BCO2: variants seen among roughly 807,000 people sequenced by gnomAD.
The protein encoded by BCO2 is carotenoid-cleaving dioxygenase, mitochondrial.
Under a neutral mutation model 65.8 loss-of-function variants are expected in BCO2, and 56 were observed. That is an observed-to-expected ratio of 0.85 (90% CI 0.69 to 1.06). The LOEUF is 1.06. BCO2 is among the 50% of genes least tolerant of loss of function. The pLI is 0.00. For synonymous variants in BCO2, 233 were observed against 242.3 expected, an observed-to-expected ratio of 0.96 and a Z score of 0.36; for missense variants, 675 against 698.5, an observed-to-expected ratio of 0.97 and a Z score of 0.38.
chr11:112,215,108 C>T, intron 10 of BCO2, 164 bp downstream of exon 10: 1 of 659,836 alleles, frequency 1.5e-6, no homozygotes, highest in South Asian at 1.9e-5. Flanking sequence ...GGGGTATGTT[C>T]CTTCTAGGGA....
chr11:112,211,602 TC>T (rs2135393748), intron 8 of BCO2, among the ~76,000 whole-genome samples: 1 of 152,330 alleles, frequency 6.6e-6, no homozygotes, highest in Non-Finnish European at 1.5e-5. Flanking sequence ...GAGTTCCAGT[TC>T]TTCACGTTTT....
At chr11:112,209,652 TG>T (rs1566796538) in intron 8 of BCO2, among the ~76,000 whole-genome samples, 1 of 152,204 alleles carries the variant, frequency 6.6e-6, no homozygotes, top group East Asian at 1.9e-4. Context: ...CTTTATCAAC[TG>T]TTTTTTTTCT....
rs537527862 is a variant in BCO2, at chr11:112,201,992, T to A, written c.1027-31T>A. On this transcript the variant is annotated intron_variant, in intron 7 of 11. Coordinates refer to ENST00000357685, the MANE Select transcript of BCO2 (RefSeq NM_031938.7). ...GGAAAAAGAAGAAAACTAAAAAAAA[T>A]TTTTTTCATTGTTTGTGTTTTCCCC... 2.9e-5 allele frequency: 44 copies of A among 1,511,930 alleles called. No homozygotes were observed. The Admixed American group carries it at 4.2e-4, about 14-fold the overall frequency. 93.7% of individuals were successfully genotyped at this position (1,511,930 alleles called of 1,614,324 possible). A position where few individuals can be genotyped will look rare whatever the true frequency, so the allele number is the denominator to read the frequency against.
Position 112,202,008 on chromosome 11 carries a change from T to C in BCO2, c.1027-15T>C. 6.5e-7 allele frequency: 1 copy of C among 1,541,238 alleles called. No homozygotes were observed. On this transcript the variant is annotated splice_polypyrimidine_tract_variant and intron_variant, in intron 7 of 11. Coordinates refer to ENST00000357685, the MANE Select transcript of BCO2 (RefSeq NM_031938.7). ...TAAAAAAAATTTTTTTCATTGTTTG[T>C]GTTTTCCCCTGCAGCTCCTTCCAGG...
At chr11:112,206,633 C>T in intron 8 of BCO2, among the ~76,000 whole-genome samples, 1 of 152,192 alleles carries the variant, frequency 6.6e-6, no homozygotes. Context: ...GAGTATAATT[C>T]CTTATTGGAT....
intron 2 of BCO2, among the ~76,000 whole-genome samples, chr11:112,192,677 C>CTTTTT (rs71463410): frequency 2.4e-5 from 3 of 124,790 alleles, no homozygotes; most frequent in Non-Finnish European, 3.4e-5. Context: ...TTCTTTCTTT[C>CTTTTT]TTTTTTTTTT....
rs1271304391 is a variant in BCO2, at chr11:112,214,853, G to T, written c.1424G>T (p.Gly475Val). Residue 475 changes from glycine to valine, a missense_variant, in exon 10 of 12, where the codon GGC (glycine) becomes GTC (valine). Coordinates refer to ENST00000357685, the MANE Select transcript of BCO2 (RefSeq NM_031938.7). ...FPQIYYDRFS[G>V]KKYHFFYGCG... Reference sequence around the variant, plus strand: ...CAGATCTACTATGATCGATTCAGTGGCAAAAAGTATCATTTCTTTTATGGC... The same window carrying T: ...CAGATCTACTATGATCGATTCAGTGTCAAAAAGTATCATTTCTTTTATGGC... 1 of 1,613,974 alleles carries T rather than the reference G, an allele frequency of 6.2e-7. No homozygotes were observed. Among genetic ancestry groups the T allele is most frequent in the South Asian group, 1.1e-5 (1 of 91,080 alleles).
rs1017741909 is a variant in BCO2, at chr11:112,175,688, A to T, written c.87A>T (p.Pro29=). 3 of 1,612,098 alleles carry T rather than the reference A, an allele frequency of 1.9e-6. No individual in the cohort carries two copies. Among genetic ancestry groups the T allele is most frequent in the East Asian group, 4.5e-5 (2 of 44,866 alleles). ...TTCCTGTGATGGTGCACCGGCTCCC[A>T]GGTAGAGGGTTTGCCCCTTTCTCTT... ...DFLPVMVHRL[P]VFKRYMGNTP... Residue 29 remains proline, a splice_region_variant and synonymous_variant, in exon 1 of 12, where the codon CCA becomes CCT. Coordinates refer to ENST00000357685, the MANE Select transcript of BCO2 (RefSeq NM_031938.7).
intron 5 of BCO2, among the ~76,000 whole-genome samples, chr11:112,197,735 T>A (rs4935983): frequency 0.95 from 144,598 of 152,226 alleles, 68,887 homozygotes; most frequent in East Asian, 1. Flanking sequence ...TCTTTTCAGC[T>A]CTGTAACACC....
At chr11:112,182,922 C>G (rs1867096611) in intron 2 of BCO2, 1 of 1,320,932 alleles carries the variant, frequency 7.6e-7, no homozygotes, top group Non-Finnish European at 1.1e-6. Flanking sequence ...TCCTTCTGGT[C>G]TTAAAGCCAA....
chr11:112,204,730 T>A (rs1480308354), intron 8 of BCO2, among the ~76,000 whole-genome samples: 1 of 152,214 alleles, frequency 6.6e-6, no homozygotes, highest in East Asian at 1.9e-4. Context: ...TGGAGTGCAA[T>A]GGCGTGATCT....
chr11:112,215,545 C>T (rs1398416499), intron 10 of BCO2: 1 of 153,622 alleles, frequency 6.5e-6, no homozygotes, highest in African/African-American at 2.4e-5. Flanking sequence ...CCTGTCTCTA[C>T]TAAAAATACA....
chr11:112,177,867 C>T (rs1489947589), intron 1 of BCO2, among the ~76,000 whole-genome samples: 1 of 150,636 alleles, frequency 6.6e-6, no homozygotes, highest in East Asian at 2.0e-4. Flanking sequence ...AAGGGAAGTA[C>T]TGTAACACTG....
chr11:112,200,062 A>C (rs953320613), intron 6 of BCO2, among the ~76,000 whole-genome samples: 1 of 152,214 alleles, frequency 6.6e-6, no homozygotes, highest in Non-Finnish European at 1.5e-5. Context: ...AATTACTAAA[A>C]AATTAATTGA....
At chr11:112,209,633 G>A (rs1040241537) in intron 8 of BCO2, among the ~76,000 whole-genome samples, 3 of 152,136 alleles carry the variant, frequency 2.0e-5, no homozygotes, top group Non-Finnish European at 4.4e-5. Flanking sequence ...GTCATGAATG[G>A]ATGTTGGACT....
chr11:112,210,756 GCACA>G (rs34029146), intron 8 of BCO2, among the ~76,000 whole-genome samples: 125,040 of 148,166 alleles, frequency 0.84, 52,832 homozygotes, highest in South Asian at 0.88. Flanking sequence ...CTAAATACAC[GCACA>G]CACACACACA....
intron 5 of BCO2, 25 bp downstream of exon 5, chr11:112,194,780 T>C: frequency 6.8e-7 from 1 of 1,479,636 alleles, no homozygotes; most frequent in Non-Finnish European, 9.4e-7. Context: ...AAGGTCTTTT[T>C]AGAAATAATT....
At chr11:112,208,477 T>A (rs1359000093) in intron 8 of BCO2, 2 of 154,784 alleles carry the variant, frequency 1.3e-5, no homozygotes, top group Admixed American at 6.6e-5. Context: ...ATATAAGTGA[T>A]GATAATGGCA....
intron 10 of BCO2, among the ~76,000 whole-genome samples, chr11:112,215,934 C>A (rs1455145812): frequency 1.3e-5 from 2 of 151,978 alleles, no homozygotes; most frequent in African/African-American, 2.4e-5. Flanking sequence ...GAGGAGGTGC[C>A]ATGCTCCTTT....
Sources: gnomAD v4.1 joint callset for allele counts (sites outside exome capture counted in the v4.1 genomes callset) on GRCh38, gnomAD v4.1.1 for gene constraint, MANE v1.5 for transcripts, NCBI Gene and HGNC (gene_info 2026-07-23, HGNC 2026-07-21) for gene names.